The following DCC variants were observed in gnomAD, a reference collection of about 807,000 sequenced individuals.
The protein encoded by DCC is DCC netrin 1 receptor.
A neutral mutation model predicts 172.5 loss-of-function variants in DCC; 58 were observed. That is an observed-to-expected ratio of 0.34 (90% CI 0.27 to 0.42). The LOEUF (loss-of-function observed/expected upper bound fraction) is 0.42. Ranked by LOEUF, DCC falls within the 10% of genes least tolerant of loss-of-function variation. The pLI, the probability that DCC is intolerant of heterozygous loss-of-function variation, is 1.00. For synonymous variants in DCC, 709 were observed against 644.5 expected (o/e 1.10, Z -1.52); for missense variants, 1,740 against 1,791.0 (o/e 0.97, Z 0.51).
intron 22 of DCC, among the ~76,000 whole-genome samples, chr18:53,447,766 C>T (rs1912705391): frequency 6.6e-6 from 1 of 152,058 alleles, no homozygotes; most frequent in Non-Finnish European, 1.5e-5. Context: ...ACAAAAAGGG[C>T]ATATTGAAAT....
At chr18:53,159,262 TTATG>T (rs2054797245) in intron 8 of DCC, among the ~76,000 whole-genome samples, 1 of 152,140 alleles carries the variant, frequency 6.6e-6, no homozygotes, top group African/African-American at 2.4e-5. Flanking sequence ...TTTCTCCTCC[TTATG>T]TATATTTTTC....
At chr18:52,713,424 CAGAA>C (rs1199159808) in intron 1 of DCC, among the ~76,000 whole-genome samples, 1 of 152,162 alleles carries the variant, frequency 6.6e-6, no homozygotes, top group African/African-American at 2.4e-5. Flanking sequence ...AACAAGAAAA[CAGAA>C]AGCAGAAAAG....
intron 2 of DCC, among the ~76,000 whole-genome samples, chr18:52,854,340 T>C (rs1322593303): frequency 6.6e-6 from 1 of 152,166 alleles, no homozygotes; most frequent in Non-Finnish European, 1.5e-5. Context: ...GGAGGAATTA[T>C]TTGAAGGTTT....
At chr18:53,400,767 A>C (rs1324776167) in intron 18 of DCC, among the ~76,000 whole-genome samples, 1 of 152,170 alleles carries the variant, frequency 6.6e-6, no homozygotes, top group Non-Finnish European at 1.5e-5. Context: ...TAAATTAAAT[A>C]ACTAATTCTT....
chr18:53,122,400 A>G (rs558724181), intron 7 of DCC, among the ~76,000 whole-genome samples: 1 of 152,060 alleles, frequency 6.6e-6, no homozygotes, highest in Non-Finnish European at 1.5e-5. Flanking sequence ...GGGAACCAGA[A>G]TTTATGTAGA....
At chr18:53,129,284 C>T (rs1012932041) in intron 7 of DCC, among the ~76,000 whole-genome samples, 37 of 152,060 alleles carry the variant, frequency 2.4e-4, no homozygotes, top group Middle Eastern at 3.2e-3. Flanking sequence ...TTTCTACCCT[C>T]GCACTTTTCT....
rs551984141 is a variant in DCC, at chr18:52,776,381, T to G, written c.412+24007T>G. On this transcript the variant is annotated intron_variant, in intron 2 of 28. Transcript: ENST00000442544. ...TAGGTTTGTTAAGAACTTAGATATT[T>G]TAGTAGAAATTTTAAAAGAAAAAGA... 2.6e-5 allele frequency among the ~76,000 whole-genome samples: 4 copies of G among 152,136 alleles called. No homozygotes were observed. In the East Asian group the frequency reaches 7.7e-4, roughly 29 times the overall value.
intron 12 of DCC, among the ~76,000 whole-genome samples, chr18:53,283,806 T>A (rs1245006958): frequency 6.6e-6 from 1 of 152,234 alleles, no homozygotes; most frequent in African/African-American, 2.4e-5. Context: ...TTTACTCAAA[T>A]TTTCTCATGA....
At chr18:52,519,981 G>A (rs113752165) in intron 1 of DCC, among the ~76,000 whole-genome samples, 1 of 150,608 alleles carries the variant, frequency 6.6e-6, no homozygotes, top group Non-Finnish European at 1.5e-5. Flanking sequence ...AAGAGTAAAA[G>A]CTTACTCAGT....
chr18:53,207,584 G>A, intron 10 of DCC, 95 bp from the exon 11 acceptor site: 2 of 1,172,636 alleles, frequency 1.7e-6, no homozygotes, highest in Non-Finnish European at 2.5e-6. Context: ...TAGTTTGTAA[G>A]AGTCTAATGT....
chr18:52,617,083 T>A (rs764898157), intron 1 of DCC, among the ~76,000 whole-genome samples: 22 of 152,154 alleles, frequency 1.4e-4, no homozygotes, highest in Non-Finnish European at 2.8e-4. Flanking sequence ...CAAAGTATTA[T>A]CCGACGAAGG....
intron 9 of DCC, among the ~76,000 whole-genome samples, chr18:53,194,103 T>G (rs1024117462): frequency 1.3e-4 from 20 of 152,186 alleles, no homozygotes; most frequent in Non-Finnish European, 8.8e-5. Context: ...CTCTGAGTTG[T>G]GCATAAGCTG....
chr18:52,868,522 A>C (rs1040574131), intron 2 of DCC, among the ~76,000 whole-genome samples: 10 of 152,204 alleles, frequency 6.6e-5, no homozygotes, highest in African/African-American at 2.4e-4. Flanking sequence ...GGCTGACTCC[A>C]TCTTGCTTCT....
intron 1 of DCC, among the ~76,000 whole-genome samples, chr18:52,464,427 C>T (rs1988723578): frequency 6.6e-6 from 1 of 152,114 alleles, no homozygotes; most frequent in South Asian, 2.1e-4. Flanking sequence ...ATAGGTGTAA[C>T]TAAGCTCTTT....
chr18:53,260,928 G>C (rs915767978), intron 12 of DCC, among the ~76,000 whole-genome samples: 2 of 152,094 alleles, frequency 1.3e-5, no homozygotes, highest in African/African-American at 4.8e-5. Context: ...CAGCCTCGCT[G>C]CCACCTTGCA....
intron 19 of DCC, among the ~76,000 whole-genome samples, chr18:53,407,556 T>TATA (rs1192623109): frequency 7.1e-6 from 1 of 140,392 alleles, no homozygotes; most frequent in East Asian, 2.1e-4. Flanking sequence ...TATATATATA[T>TATA]TCACTATTAC....
chr18:52,969,449 C>G (rs146290301), intron 5 of DCC, among the ~76,000 whole-genome samples: 1 of 152,094 alleles, frequency 6.6e-6, no homozygotes, highest in African/African-American at 2.4e-5. Context: ...TTGACCATTG[C>G]CTCAATCAGC....
intron 8 of DCC, among the ~76,000 whole-genome samples, chr18:53,175,690 A>T (rs1230986153): frequency 6.6e-6 from 1 of 152,152 alleles, no homozygotes; most frequent in African/African-American, 2.4e-5. Context: ...ATACAAACAA[A>T]TGGAAGAACA....
intron 2 of DCC, among the ~76,000 whole-genome samples, chr18:52,815,244 T>C (rs138988021): frequency 1.8e-3 from 273 of 152,266 alleles, no homozygotes; most frequent in African/African-American, 6.2e-3. Context: ...AATACATGTG[T>C]TGAAGCCCTA....
Sources: gnomAD v4.1 joint callset for allele counts (sites outside exome capture counted in the v4.1 genomes callset) on GRCh38, gnomAD v4.1.1 for gene constraint, MANE v1.5 for transcripts, NCBI Gene and HGNC (gene_info 2026-07-23, HGNC 2026-07-21) for gene names.